The following ZNF106 variants were observed in gnomAD, a reference collection of about 807,000 sequenced individuals.
The protein encoded by ZNF106 is zinc finger protein 106.
In ZNF106, 67 loss-of-function variants were observed where a neutral mutation model predicts 195.1. The observed-to-expected ratio is 0.34, with a 90% CI of 0.28 to 0.42. The LOEUF is 0.42. Among genes scored for constraint, ZNF106 ranks in the 10% least tolerant of loss-of-function variants. The probability of loss-of-function intolerance (pLI) is 1.00; values close to 1 mark genes in which losing one functional copy is unlikely to be tolerated. For synonymous variants in ZNF106, 784 were observed against 818.6 expected (o/e 0.96, Z 0.72); for missense variants, 2,118 against 2,304.5 (o/e 0.92, Z 1.66).
chr15:42,436,525 T>G (rs2055279754), intron 13 of ZNF106, among the ~76,000 whole-genome samples: 1 of 152,218 alleles, frequency 6.6e-6, no homozygotes, highest in African/African-American at 2.4e-5. Context: ...TCACTGACTC[T>G]AGCAATTTTA....
At chr15:42,433,144 C>T (rs896493828) in intron 14 of ZNF106, among the ~76,000 whole-genome samples, 109 of 152,010 alleles carry the variant, frequency 7.2e-4, no homozygotes, top group Non-Finnish European at 2.5e-4. Flanking sequence ...CTTGCTCTGT[C>T]GCCCAGGCTG....
At chr15:42,447,865 C>A (rs2141347516) in intron 6 of ZNF106, among the ~76,000 whole-genome samples, 1 of 152,290 alleles carries the variant, frequency 6.6e-6, no homozygotes, top group Middle Eastern at 3.4e-3. Flanking sequence ...TTTCCTGGTA[C>A]TGTACATTCA....
Position 42,417,003 on chromosome 15 carries a change from G to T in ZNF106, c.*301C>A. ...AGGGTCAAACTGGGTAACCAATTAG[G>T]ATCTGTATCTTCAATAAACATCTGG... On this transcript the variant is annotated 3_prime_UTR_variant, in exon 22 of 22. Transcript: ENST00000564754. 1 of 259,402 alleles carries T rather than the reference G, an allele frequency of 3.9e-6. No individual in the cohort carries two copies. The highest frequency in any genetic ancestry group is 1.1e-4 in the South Asian group (1 of 9,424). 16.1% of individuals were successfully genotyped at this position (259,402 alleles called of 1,614,324 possible).
intron 1 of ZNF106, among the ~76,000 whole-genome samples, chr15:42,478,327 C>T (rs2056828156): frequency 6.6e-6 from 1 of 151,926 alleles, no homozygotes. Flanking sequence ...CCATGCCCCG[C>T]TAATTTTTGT....
chr15:42,440,992 AAAAAAAATATATATATATATAT>A (rs1471879480), intron 10 of ZNF106, among the ~76,000 whole-genome samples: 1 of 56,858 alleles, frequency 1.8e-5, no homozygotes, highest in African/African-American at 1.2e-4. Flanking sequence ...CTAAAAAAAA[AAAAAAAATATATATATATATAT>A]ATATATATAT....
chr15:42,461,240 T>C (rs929165116), intron 3 of ZNF106, among the ~76,000 whole-genome samples: 1 of 152,254 alleles, frequency 6.6e-6, no homozygotes, highest in Non-Finnish European at 1.5e-5. Context: ...GTTAATATTT[T>C]AATGAGGTTA....
chr15:42,460,774 C>T (rs779640397), intron 3 of ZNF106, among the ~76,000 whole-genome samples: 5 of 151,658 alleles, frequency 3.3e-5, no homozygotes, highest in South Asian at 4.2e-4. Flanking sequence ...GCAGGAGAAT[C>T]GCTTGAACCC....
chr15:42,464,184 A>T (rs2056459299), intron 3 of ZNF106, among the ~76,000 whole-genome samples: 1 of 151,986 alleles, frequency 6.6e-6, no homozygotes, highest in African/African-American at 2.4e-5. Context: ...TACTAAAATT[A>T]CTAAAATTAG....
intron 10 of ZNF106, among the ~76,000 whole-genome samples, chr15:42,441,107 G>T (rs1372673968): frequency 7.5e-6 from 1 of 134,134 alleles, no homozygotes; most frequent in Non-Finnish European, 1.6e-5. Flanking sequence ...GGCCAAGGCG[G>T]GTGGATCACT....
At chr15:42,458,161 T>A (rs1434513606) in intron 3 of ZNF106, among the ~76,000 whole-genome samples, 1 of 152,102 alleles carries the variant, frequency 6.6e-6, no homozygotes, top group Non-Finnish European at 1.5e-5. Context: ...GTCCTGGATT[T>A]AGACTAGTTA....
At chr15:42,429,428 G>C (rs1477790533) in intron 14 of ZNF106, among the ~76,000 whole-genome samples, 1 of 151,334 alleles carries the variant, frequency 6.6e-6, no homozygotes, top group Non-Finnish European at 1.5e-5. Context: ...GACACAGCGA[G>C]ACCCCGTCTC....
At chr15:42,490,458 T>C (rs2057128540) in intron 1 of ZNF106, 3 of 151,962 alleles carry the variant, frequency 2.0e-5, no homozygotes, top group Non-Finnish European at 4.4e-5. Flanking sequence ...GCATTTCCTC[T>C]CCACAATTAT....
chr15:42,467,325 CG>C (rs1476666118), intron 2 of ZNF106, among the ~76,000 whole-genome samples: 2 of 152,144 alleles, frequency 1.3e-5, no homozygotes, highest in Non-Finnish European at 2.9e-5. Context: ...TACTGCATTC[CG>C]TGTGAAGTCC....
rs750224625 is a variant in ZNF106 at position 42,450,726 on chromosome 15, G to A, written c.1546C>T (p.Pro516Ser). The change falls in exon 5 of 22, where the codon CCC (proline) becomes TCC (serine). Residue 516 changes from proline (P) to serine (S), a missense_variant. By Grantham distance (74) the Pro-to-Ser change is moderately conservative. Coordinates refer to ENST00000564754, the MANE Select transcript of ZNF106 (RefSeq NM_001366845.3). ...GGACCATGGTTATCTTCCACAGTGG[G>A]CTTGTTCGAGGGATTTGAGTGTTCT... ...PGEHSNPSNK[P>S]TVEDNHGPYI... is the part of the protein sequence containing the mutation. The A allele has an allele frequency of 6.2e-7, 1 of 1,614,048 alleles. No homozygotes were observed. The highest frequency in any genetic ancestry group is 1.3e-5 in the African/African-American group (1 of 74,912).
rs376782437 is a variant in ZNF106 at position 42,448,246 on chromosome 15, C to T, written c.2961G>A (p.Pro987=). ...DLNSQERSIP[P]SENQNSQESN... ...TCTCCTGGGAATTCTGATTCTCTGACGGTGGTATAGACCTCTCCTGGCTGT... is the reference window on the plus strand; with the variant it reads ...TCTCCTGGGAATTCTGATTCTCTGATGGTGGTATAGACCTCTCCTGGCTGT... Residue 987 remains proline (P), a synonymous_variant, in exon 6 of 22, where the codon CCG becomes CCA. Coordinates refer to ENST00000564754, the MANE Select transcript of ZNF106 (RefSeq NM_001366845.3). The T allele has an allele frequency of 2.8e-5, 45 of 1,614,048 alleles. No individual in the cohort carries two copies. The Middle Eastern group carries it at 6.6e-4, about 24-fold the overall frequency.
chr15:42,442,035 T>C, intron 10 of ZNF106, 38 bp downstream of exon 10: 1 of 1,516,930 alleles, frequency 6.6e-7, no homozygotes. Context: ...CCAGTCTCAC[T>C]ACTGGGATGC....
intron 21 of ZNF106, 74 bp downstream of exon 21, chr15:42,417,730 AT>A: frequency 6.8e-7 from 1 of 1,470,758 alleles, no homozygotes; most frequent in East Asian, 2.4e-5. Context: ...ATTCTCAATA[AT>A]AAAAAAGGTT....
chr15:42,447,265 C>T (rs901196508), intron 6 of ZNF106, among the ~76,000 whole-genome samples: 2 of 152,018 alleles, frequency 1.3e-5, no homozygotes, highest in African/African-American at 4.8e-5. Context: ...TTGTAGTCCC[C>T]GCTACTTGGG....
At chr15:42,432,477 TCAATATTAA>T (rs2141291625) in intron 14 of ZNF106, among the ~76,000 whole-genome samples, 1 of 152,268 alleles carries the variant, frequency 6.6e-6, no homozygotes, top group African/African-American at 2.4e-5. Flanking sequence ...GTCTGCTTGC[TCAATATTAA>T]CATAACCACT....
Sources: gnomAD v4.1 joint callset for allele counts (sites outside exome capture counted in the v4.1 genomes callset) on GRCh38, gnomAD v4.1.1 for gene constraint, MANE v1.5 for transcripts, NCBI Gene and HGNC (gene_info 2026-07-23, HGNC 2026-07-21) for gene names.